LAMA5: variants seen among roughly 807,000 people sequenced by gnomAD.
LAMA5 encodes the protein laminin subunit alpha-5.
A neutral mutation model predicts 433.4 loss-of-function variants in LAMA5; 260 were observed. The observed-to-expected ratio is 0.60, with a 90% CI of 0.54 to 0.66. LAMA5 has a LOEUF of 0.66. Ranked by LOEUF, LAMA5 falls within the 30% of genes least tolerant of loss-of-function variation. The pLI, the probability that LAMA5 is intolerant of heterozygous loss-of-function variation, is 0.00. For synonymous variants in LAMA5, 2,620 were observed against 2,226.6 expected, an observed-to-expected ratio of 1.18 and a Z score of -4.97; for missense variants, 5,378 against 5,258.5, an observed-to-expected ratio of 1.02 and a Z score of -0.70.
rs1568965452 is a variant in LAMA5 at position 62,346,503 on chromosome 20, C to CAA, written c.1282+2_1282+3insTT. ...GGACACCCGCCCAGCTGAGCCCACT[C>CAA]ACGGCGGCAGACGTGGGGCGAGTCG... On this transcript the variant is annotated splice_region_variant and intron_variant, in intron 9 of 79. Transcript: ENST00000252999. 1 of 1,550,658 alleles carries CAA rather than the reference C, an allele frequency of 6.4e-7. No individual in the cohort carries two copies. The highest frequency in any genetic ancestry group is 2.0e-5 in the Admixed American group (1 of 50,974).
In LAMA5 at chr20:62,313,260, G is replaced by A. The variant is rs1165378096; in HGVS notation, c.8793-10C>T. Reference sequence around the variant, plus strand: ...CCCGGTCGACTTGGAGCTGCAGGTCGGAGATTCTGGGGTCAGCGGAGGGTG... The same window carrying A: ...CCCGGTCGACTTGGAGCTGCAGGTCAGAGATTCTGGGGTCAGCGGAGGGTG... On this transcript the variant is annotated splice_polypyrimidine_tract_variant and intron_variant, in intron 64 of 79. Coordinates refer to ENST00000252999, the MANE Select transcript of LAMA5 (RefSeq NM_005560.6). The A allele has an allele frequency of 2.1e-5, 28 of 1,325,872 alleles. No homozygotes were observed. The highest frequency in any genetic ancestry group is 4.6e-5 in the African/African-American group (3 of 65,316). 82.1% of individuals were successfully genotyped at this position (1,325,872 alleles called of 1,614,324 possible).
Position 62,310,068 on chromosome 20 carries a change from G to C in LAMA5, c.10748C>G (p.Ala3583Gly). The change falls in exon 78 of 80, where the codon GCG becomes GGG. Residue 3583 changes from alanine to glycine, a missense_variant. Ala to Gly is a moderately conservative substitution (Grantham distance 60, BLOSUM62 0). Coordinates refer to ENST00000252999, the MANE Select transcript of LAMA5 (RefSeq NM_005560.6). The part of the protein sequence containing the change: ...QVTEKQVLLR[A>G]DDGAGEFSTS... ...GGAGAACTCCCCTGCTCCGTCATCC[G>C]CCCGCAGCAGGACCTGGCGGGGTAG... is the stretch of plus-strand genomic sequence containing the variant. 1.2e-6 allele frequency: 2 copies of C among 1,610,772 alleles called. No homozygotes were observed. Among genetic ancestry groups the C allele is most frequent in the South Asian group, 1.1e-5 (1 of 90,962 alleles).
intron 70 of LAMA5, 32 bp from the exon 71 acceptor site, chr20:62,311,816 T>TGGCCCCCCCGC: frequency 1.3e-6 from 2 of 1,521,014 alleles, no homozygotes; most frequent in Non-Finnish European, 1.8e-6. Flanking sequence ...GCTCGGTTTT[T>TGGCCCCCCCGC]CCCCACCCTG....
At chr20:62,311,816 T>C in intron 70 of LAMA5, 32 bp from the exon 71 acceptor site, 1 of 1,521,014 alleles carries the variant, frequency 6.6e-7, no homozygotes, top group South Asian at 1.2e-5. Flanking sequence ...GCTCGGTTTT[T>C]CCCCACCCTG....
intron 76 of LAMA5, 42 bp downstream of exon 76, chr20:62,310,377 T>C (rs1469646890): frequency 2.6e-6 from 4 of 1,566,016 alleles, no homozygotes; most frequent in African/African-American, 2.7e-5. Flanking sequence ...TGGAGCCCCC[T>C]GCCCTGCCCT....
Position 62,313,770 on chromosome 20 carries a change from A to G in LAMA5, c.8537T>C (p.Val2846Ala), listed in dbSNP as rs148955819. ...TLQFGHMSVT[V>A]ERQMIQETKG... ...GGTTTCCTGGATCATCTGTCTCTCC[A>G]CTGTGACGGACATGTGGCCAAACTG... Residue 2846 changes from valine (V) to alanine (A), a missense_variant, in exon 63 of 80, where the codon GTG becomes GCG. Transcript: ENST00000252999. 4.3e-6 allele frequency: 7 copies of G among 1,612,740 alleles called. No individual in the cohort carries two copies. Among genetic ancestry groups the G allele is most frequent in the Non-Finnish European group, 5.1e-6 (6 of 1,179,932 alleles).
rs367898826 is a variant in LAMA5, at chr20:62,338,300, C to T, written c.1688G>A (p.Arg563Gln). 3.3e-5 allele frequency: 53 copies of T among 1,604,026 alleles called. No homozygotes were observed. Among genetic ancestry groups the T allele is most frequent in the South Asian group, 3.3e-5 (3 of 89,700 alleles). ...ACATGTGGCCCCCTCGAAGCCCACTCGGCACCTGCACTGGCCTGTGTCAGG... is the reference window on the plus strand; with the variant it reads ...ACATGTGGCCCCCTCGAAGCCCACTTGGCACCTGCACTGGCCTGTGTCAGG... ...CDPDTGQCRCRVGFEGATCDR... is the reference protein window; with the variant it reads ...CDPDTGQCRCQVGFEGATCDR... The change falls in exon 13 of 80, where the codon CGA becomes CAA. Residue 563 changes from arginine to glutamine, a missense_variant. Arg to Gln is a conservative substitution (Grantham distance 43). Coordinates refer to ENST00000252999, the MANE Select transcript of LAMA5 (RefSeq NM_005560.6).
At position 62,323,818 on chromosome 20, in the gene LAMA5, T is replaced by C. The variant is rs564614414; in HGVS notation, c.5807A>G (p.Gln1936Arg). Residue 1936 changes from glutamine (Q) to arginine (R), a missense_variant, in exon 44 of 80, where the codon CAG becomes CGG. Transcript: ENST00000252999. Reference sequence around the variant, plus strand: ...TGCATAACCAGGTTTGCAGAGGCACTGGGTGCGGCCGCCTCGCAGGACACA... The same window carrying C: ...TGCATAACCAGGTTTGCAGAGGCACCGGGTGCGGCCGCCTCGCAGGACACA... The part of the protein sequence containing the change: ...EGCVLRGGRT[Q>R]CLCKPGYAGA... 17 of 1,610,610 alleles carry C rather than the reference T, an allele frequency of 1.1e-5. No homozygotes were observed. The East Asian group carries it at 2.9e-4, about 27-fold the overall frequency.
At position 62,359,375 on chromosome 20, in the gene LAMA5, G is replaced by A. The variant is rs530745671; in HGVS notation, c.450+3025C>T. 2.8e-3 allele frequency among the ~76,000 whole-genome samples: 425 copies of A among 152,296 alleles called. No individual in the cohort carries two copies. Among genetic ancestry groups the A allele is most frequent in the Non-Finnish European group, 3.8e-3 (260 of 68,006 alleles). On this transcript the variant is annotated intron_variant, in intron 2 of 79. Transcript: ENST00000252999. The surrounding 1 kb of genome is among the most constrained non-coding windows in gnomAD (Gnocchi z 4.3). The stretch of plus-strand genomic sequence containing the variant: ...CTAGCGTGCTGGTGTAGTGGGGCAA[G>A]GGCCTGGACCCTGCGGCAGAGCCAG...
At position 62,352,054 on chromosome 20, in the gene LAMA5, C is replaced by T. The variant is rs1416676512; in HGVS notation, c.713G>A (p.Arg238His). ...GTAGGAGAAATTCATGGCGCCCGGA[C>T]GTCCGTTCACCAGGGACACCACGAT... ...GEIVVSLVNG[R>H]PGAMNFSYSP... The change falls in exon 5 of 80, where the codon CGT becomes CAT. Residue 238 changes from arginine (R) to histidine (H), a missense_variant. Coordinates refer to ENST00000252999, the MANE Select transcript of LAMA5 (RefSeq NM_005560.6). 3.1e-6 allele frequency: 5 copies of T among 1,612,114 alleles called. No individual in the cohort carries two copies. Among genetic ancestry groups the T allele is most frequent in the African/African-American group, 1.3e-5 (1 of 74,928 alleles).
intron 2 of LAMA5, among the ~76,000 whole-genome samples, chr20:62,358,554 C>G (rs1434028657): frequency 6.6e-6 from 1 of 152,202 alleles, no homozygotes; most frequent in Admixed American, 6.5e-5. Context: ...AGGGCCCAAG[C>G]CGGCCAGCCA....
Position 62,359,371 on chromosome 20 carries a change from G to T in LAMA5, c.450+3029C>A, listed in dbSNP as rs1169330402. 1.3e-5 allele frequency among the ~76,000 whole-genome samples: 2 copies of T among 152,172 alleles called. No homozygotes were observed. The highest frequency in any genetic ancestry group is 2.9e-5 in the Non-Finnish European group (2 of 68,014). On this transcript the variant is annotated intron_variant, in intron 2 of 79. Transcript: ENST00000252999. This position sits in a 1 kb window ranked among gnomAD's most constrained non-coding sequence, Gnocchi z 4.3. ...TGGGCTAGCGTGCTGGTGTAGTGGG[G>T]CAAGGGCCTGGACCCTGCGGCAGAG...
chr20:62,335,218 G>A lies in LAMA5; in HGVS notation c.2375C>T (p.Pro792Leu), dbSNP rs372725879. Residue 792 changes from proline (P) to leucine (L), a missense_variant and splice_region_variant, in exon 19 of 80, where the codon CCG (proline) becomes CTG (leucine). Physicochemically the swap from Pro to Leu is moderately conservative, Grantham distance 98. Transcript: ENST00000252999. Reference protein sequence around the residue: ...GTLGGVAECQPGTGQCFCKPH... With the variant: ...GTLGGVAECQLGTGQCFCKPH... Reference sequence around the variant, plus strand: ...CCACACCTTGGTCCTCAGACTCACCGGCTGGCACTCAGCAACTCCACCCAG... The same window carrying A: ...CCACACCTTGGTCCTCAGACTCACCAGCTGGCACTCAGCAACTCCACCCAG... 5.0e-5 allele frequency: 80 copies of A among 1,612,578 alleles called. No homozygotes were observed. The Middle Eastern group carries it at 9.9e-4, about 20-fold the overall frequency.
chr20:62,321,010 T>G, intron 48 of LAMA5, 120 bp from the exon 49 acceptor site: 1 of 1,104,416 alleles, frequency 9.1e-7, no homozygotes, highest in South Asian at 1.6e-5. Flanking sequence ...GAGGTCAGCT[T>G]AGGGACACAG....
At position 62,312,539 on chromosome 20, in the gene LAMA5, G is replaced by A. The variant is rs1371639785; in HGVS notation, c.9228-7C>T. On this transcript the variant is annotated splice_region_variant and splice_polypyrimidine_tract_variant and intron_variant, in intron 67 of 79. Transcript: ENST00000252999. The stretch of plus-strand genomic sequence containing the variant: ...GGGGAAGAGCCGTCGCAGGCTGTGG[G>A]GAAGCGGGGATGCGGGTCAGGGCGC... The A allele has an allele frequency of 1.3e-6, 2 of 1,599,466 alleles. No individual in the cohort carries two copies. Among genetic ancestry groups the A allele is most frequent in the Admixed American group, 1.7e-5 (1 of 59,926 alleles).
intron 1 of LAMA5, among the ~76,000 whole-genome samples, chr20:62,365,704 A>T (rs890100091): frequency 6.6e-6 from 1 of 152,178 alleles, no homozygotes; most frequent in Admixed American, 6.5e-5. Context: ...CCAGGTTCCC[A>T]CAGCTAACCC....
intron 1 of LAMA5, 111 bp from the exon 2 acceptor site, chr20:62,362,663 A>G: frequency 1.0e-6 from 1 of 973,868 alleles, no homozygotes; most frequent in Non-Finnish European, 1.4e-6. Context: ...AGCTGGTTCC[A>G]CGCCCAGCCT....
rs1568989508 is a variant in LAMA5, at chr20:62,360,638, GTGGGTGGGTGGGTGGAGGGATAGA to G, written c.450+1738_450+1761del. Among the ~76,000 whole-genome samples the G allele has an allele frequency of 3.3e-4, 32 of 96,608 alleles. 1 individual carries two copies. Among genetic ancestry groups the G allele is most frequent in the African/African-American group, 1.2e-3 (31 of 25,488 alleles). 63.4% of individuals were successfully genotyped at this position (96,608 alleles called of 152,430 possible). A position where few individuals can be genotyped will look rare whatever the true frequency, so the allele number is the denominator to read the frequency against. On this transcript the variant is annotated intron_variant, in intron 2 of 79. Transcript: ENST00000252999. ...GATGGGTGGGTGGAGGGATAGATGG[GTGGGTGGGTGGGTGGAGGGATAGA>G]TGGGTGGGTGGGTGGAGGGACCACT... is the stretch of plus-strand genomic sequence containing the variant.
chr20:62,358,090 C>T lies in LAMA5; in HGVS notation c.450+4310G>A, dbSNP rs544115382. 2.6e-5 allele frequency among the ~76,000 whole-genome samples: 4 copies of T among 151,426 alleles called. No individual in the cohort carries two copies. The South Asian group carries it at 8.6e-4, about 33-fold the overall frequency. ...AAAACAGGAAGCCTTTGGGGACCACCAGGGCCTGGGGGGTCTAGGTGGGTG... is the reference window on the plus strand; with the variant it reads ...AAAACAGGAAGCCTTTGGGGACCACTAGGGCCTGGGGGGTCTAGGTGGGTG... On this transcript the variant is annotated intron_variant, in intron 2 of 79. Coordinates refer to ENST00000252999, the MANE Select transcript of LAMA5 (RefSeq NM_005560.6).
Sources: gnomAD v4.1 joint callset for allele counts (sites outside exome capture counted in the v4.1 genomes callset) on GRCh38, gnomAD v4.1.1 for gene constraint, Gnocchi (gnomAD v3.1) non-coding constraint, MANE v1.5 for transcripts, NCBI Gene and HGNC (gene_info 2026-07-23, HGNC 2026-07-21) for gene names.